The following AGBL4 variants were observed in gnomAD, a reference collection of about 807,000 sequenced individuals.
The protein encoded by AGBL4 is cytosolic carboxypeptidase 6.
AGBL4 carries 58 observed loss-of-function variants against 66.4 expected under a neutral mutation model. The ratio of observed to expected loss-of-function variants is 0.87; its 90% CI spans 0.71 to 1.09. The LOEUF is 1.09. Among genes scored for constraint, AGBL4 ranks in the 50% least tolerant of loss-of-function variants. AGBL4 has a pLI of 0.00. For synonymous variants in AGBL4, 234 were observed against 222.9 expected (o/e 1.05, Z -0.44); for missense variants, 579 against 631.0 (o/e 0.92, Z 0.88).
intron 5 of AGBL4, among the ~76,000 whole-genome samples, chr1:49,032,885 T>C (rs1379431701): frequency 3.3e-5 from 5 of 152,086 alleles, no homozygotes; most frequent in Non-Finnish European, 7.4e-5. Context: ...GCTGGAGTGA[T>C]GGCGATGCAT....
At chr1:49,908,359 T>C (rs1650478315) in intron 1 of AGBL4, among the ~76,000 whole-genome samples, 1 of 151,762 alleles carries the variant, frequency 6.6e-6, no homozygotes, top group Admixed American at 6.5e-5. Context: ...TTTATCACCT[T>C]CTTCTTGGTG....
At chr1:48,566,676 T>A (rs1429864966) in intron 11 of AGBL4, among the ~76,000 whole-genome samples, 1 of 152,248 alleles carries the variant, frequency 6.6e-6, no homozygotes, top group Non-Finnish European at 1.5e-5. Context: ...CTCCATAATG[T>A]GGGTGGGCCT....
intron 11 of AGBL4, among the ~76,000 whole-genome samples, chr1:48,550,387 T>C (rs934622728): frequency 1.7e-4 from 26 of 152,104 alleles, no homozygotes; most frequent in African/African-American, 6.3e-4. Flanking sequence ...TTTGTGATCA[T>C]ATCATTCCCA....
chr1:48,621,125 C>G (rs1645406548), intron 9 of AGBL4, among the ~76,000 whole-genome samples: 1 of 152,026 alleles, frequency 6.6e-6, no homozygotes, highest in Non-Finnish European at 1.5e-5. Flanking sequence ...GGGAAATTCC[C>G]TATTGTACTT....
In AGBL4 at chr1:48,641,944, G is replaced by A. The variant is rs1358487003; in HGVS notation, c.840-7340C>T. 2.6e-4 allele frequency among the ~76,000 whole-genome samples: 39 copies of A among 152,060 alleles called. 1 individual carries two copies. Among genetic ancestry groups the A allele is most frequent in the Admixed American group, 2.5e-3 (38 of 15,260 alleles). On this transcript the variant is annotated intron_variant, in intron 8 of 13. Transcript: ENST00000371839. Reference sequence around the variant, plus strand: ...TGGGGAATCTAAGTTTCAAATGAGGGACTAACATGAAAGGTTCCTTTACGC... The same window carrying A: ...TGGGGAATCTAAGTTTCAAATGAGGAACTAACATGAAAGGTTCCTTTACGC...
At chr1:49,149,311 C>T (rs1262657155) in intron 4 of AGBL4, among the ~76,000 whole-genome samples, 1 of 152,190 alleles carries the variant, frequency 6.6e-6, no homozygotes, top group African/African-American at 2.4e-5. Flanking sequence ...TGTCTCCAAT[C>T]CAAGTGTGAA....
At chr1:49,922,530 G>A (rs545501753) in intron 1 of AGBL4, among the ~76,000 whole-genome samples, 3 of 152,130 alleles carry the variant, frequency 2.0e-5, no homozygotes, top group Non-Finnish European at 2.9e-5. Flanking sequence ...GCTTGCAGAC[G>A]ACATTATCCC....
chr1:49,867,331 TTA>T (rs982795448), intron 1 of AGBL4, among the ~76,000 whole-genome samples: 12 of 148,102 alleles, frequency 8.1e-5, no homozygotes, highest in South Asian at 2.1e-4. Context: ...ATATATATAT[TTA>T]TATATATATA....
intron 4 of AGBL4, among the ~76,000 whole-genome samples, chr1:49,140,448 G>A (rs924593445): frequency 6.6e-6 from 1 of 152,174 alleles, no homozygotes; most frequent in East Asian, 1.9e-4. Context: ...AGGCTGCCCT[G>A]CCCCAGGAAA....
rs184918108 is a variant in AGBL4, at chr1:49,144,795, C to T, written c.378-98995G>A. 1.4e-3 allele frequency among the ~76,000 whole-genome samples: 208 copies of T among 152,194 alleles called. 2 individuals are homozygous for T. The highest frequency in any genetic ancestry group is 4.1e-3 in the Admixed American group (63 of 15,274). ...GGAAGACTTCCCAGAGAGGAAGACA[C>T]GTAGTTAGGTTAGGCTCTGAAGGAA... On this transcript the variant is annotated intron_variant, in intron 4 of 13. Transcript: ENST00000371839.
chr1:49,465,210 TACACACACACACACAC>T (rs3054630), intron 3 of AGBL4, among the ~76,000 whole-genome samples: 1,746 of 116,842 alleles, frequency 0.015, 28 homozygotes, highest in Non-Finnish European at 0.02. Flanking sequence ...TACCCCTACA[TACACACACACACACAC>T]ACACACACAC....
At chr1:49,366,477 C>T (rs183219750) in intron 3 of AGBL4, among the ~76,000 whole-genome samples, 3 of 152,144 alleles carry the variant, frequency 2.0e-5, no homozygotes, top group Non-Finnish European at 4.4e-5. Context: ...CTAAACAGCA[C>T]AATTACAAAA....
intron 1 of AGBL4, among the ~76,000 whole-genome samples, chr1:49,877,027 G>C (rs894445241): frequency 6.6e-6 from 1 of 151,880 alleles, no homozygotes; most frequent in East Asian, 1.9e-4. Flanking sequence ...AGACTTTGCT[G>C]AAGTTGATTA....
chr1:48,778,135 ACATCCATCCATC>A (rs34372698), intron 6 of AGBL4, among the ~76,000 whole-genome samples: 50 of 148,714 alleles, frequency 3.4e-4, no homozygotes, highest in African/African-American at 1.0e-3. Flanking sequence ...ATAAAAACCC[ACATCCATCCATC>A]CATCCATCCA....
chr1:49,736,980 TCAGA>T (rs1649946633), intron 2 of AGBL4, among the ~76,000 whole-genome samples: 4 of 151,876 alleles, frequency 2.6e-5, no homozygotes, highest in Admixed American at 2.6e-4. Context: ...CTGACACCAG[TCAGA>T]CAATTTGACA....
At chr1:49,038,688 C>T (rs970661590) in intron 5 of AGBL4, among the ~76,000 whole-genome samples, 2 of 151,944 alleles carry the variant, frequency 1.3e-5, no homozygotes, top group Non-Finnish European at 2.9e-5. Flanking sequence ...AAATCAAGAA[C>T]ACTGACAACA....
At chr1:49,867,269 A>G (rs965049858) in intron 1 of AGBL4, among the ~76,000 whole-genome samples, 3 of 150,960 alleles carry the variant, frequency 2.0e-5, no homozygotes, top group African/African-American at 7.3e-5. Context: ...CATGATTTCT[A>G]TACATATTTC....
chr1:49,088,883 C>T (rs967762221), intron 4 of AGBL4, among the ~76,000 whole-genome samples: 24 of 151,820 alleles, frequency 1.6e-4, no homozygotes, highest in African/African-American at 5.5e-4. Context: ...TAAAAAAAAT[C>T]AAAATCATAC....
chr1:49,041,518 A>G (rs1307316336), intron 5 of AGBL4, among the ~76,000 whole-genome samples: 1 of 152,024 alleles, frequency 6.6e-6, no homozygotes, highest in Admixed American at 6.6e-5. Context: ...TGGGTGTTAA[A>G]CTGTCCATCA....
Sources: allele counts gnomAD v4.1 joint callset (sites outside exome capture counted in the v4.1 genomes callset), GRCh38; gene constraint gnomAD v4.1.1; transcripts MANE v1.5; gene names NCBI Gene and HGNC (gene_info 2026-07-23, HGNC 2026-07-21).